The following ASIC2 variants were observed in gnomAD, a reference collection of about 807,000 sequenced individuals.
The protein encoded by ASIC2 is acid-sensing ion channel 2.
ASIC2 carries 25 observed loss-of-function variants against 57.3 expected under a neutral mutation model. That is an observed-to-expected ratio of 0.44 (90% CI 0.32 to 0.61). ASIC2 has a LOEUF of 0.61. Ranked by LOEUF, ASIC2 falls within the 20% of genes least tolerant of loss-of-function variation. The probability of loss-of-function intolerance (pLI) is 0.06; values close to 1 mark genes in which losing one functional copy is unlikely to be tolerated. For synonymous variants in ASIC2, 319 were observed against 307.5 expected, an observed-to-expected ratio of 1.04 and a Z score of -0.39; for missense variants, 641 against 738.1, an observed-to-expected ratio of 0.87 and a Z score of 1.52.
intron 1 of ASIC2, among the ~76,000 whole-genome samples, chr17:33,171,782 C>T (rs1451735496): frequency 6.6e-6 from 1 of 152,210 alleles, no homozygotes; most frequent in Admixed American, 6.5e-5. Flanking sequence ...TCTCCAACCT[C>T]ATCTCACTCT....
chr17:33,639,759 A>AAG (rs1163603155), intron 1 of ASIC2, among the ~76,000 whole-genome samples: 2 of 96,054 alleles, frequency 2.1e-5, no homozygotes, highest in Non-Finnish European at 4.7e-5. Flanking sequence ...AGCTCAGGTT[A>AAG]AGAAAAAAAA....
intron 1 of ASIC2, among the ~76,000 whole-genome samples, chr17:33,940,394 C>T (rs1251719930): frequency 1.4e-5 from 2 of 141,702 alleles, no homozygotes; most frequent in Admixed American, 1.5e-4. Context: ...TAGTGCTGCT[C>T]TTCACTGAGC....
chr17:33,949,952 G>A (rs1904505639), intron 1 of ASIC2, among the ~76,000 whole-genome samples: 1 of 152,272 alleles, frequency 6.6e-6, no homozygotes, highest in East Asian at 1.9e-4. Context: ...GTCCACTTTC[G>A]AATCCTGGTG....
At chr17:33,073,910 A>T (rs2092079247) in intron 3 of ASIC2, among the ~76,000 whole-genome samples, 1 of 152,122 alleles carries the variant, frequency 6.6e-6, no homozygotes, top group African/African-American at 2.4e-5. Context: ...CAACAGAGGG[A>T]CAGAAGAGGG....
At chr17:33,209,816 C>G (rs183852490) in intron 1 of ASIC2, among the ~76,000 whole-genome samples, 2 of 152,336 alleles carry the variant, frequency 1.3e-5, no homozygotes, top group East Asian at 3.9e-4. Flanking sequence ...CCTGAATCCC[C>G]TGACCTCACC....
At chr17:33,024,309 C>T (rs1222620106) in intron 5 of ASIC2, among the ~76,000 whole-genome samples, 2 of 152,122 alleles carry the variant, frequency 1.3e-5, no homozygotes, top group African/African-American at 2.4e-5. Context: ...TGGCTTTCTT[C>T]CCTGCTCCCA....
intron 1 of ASIC2, among the ~76,000 whole-genome samples, chr17:33,476,176 G>A (rs1167005840): frequency 6.6e-6 from 1 of 152,070 alleles, no homozygotes; most frequent in East Asian, 1.9e-4. Context: ...CTAACCGGAG[G>A]ACCTATGGTA....
chr17:33,562,041 T>C (rs1916089540), intron 1 of ASIC2, among the ~76,000 whole-genome samples: 1 of 152,206 alleles, frequency 6.6e-6, no homozygotes, highest in South Asian at 2.1e-4. Flanking sequence ...TCCGGAGTGA[T>C]GAAAGGATTT....
At chr17:33,645,355 T>G (rs1906707567) in intron 1 of ASIC2, among the ~76,000 whole-genome samples, 2 of 152,246 alleles carry the variant, frequency 1.3e-5, no homozygotes, top group South Asian at 4.2e-4. Flanking sequence ...AGGGCTTTGG[T>G]TTCATTTAAA....
intron 1 of ASIC2, among the ~76,000 whole-genome samples, chr17:33,525,799 T>C (rs1914870062): frequency 6.6e-6 from 1 of 152,222 alleles, no homozygotes. Flanking sequence ...TGGTGGCCTA[T>C]GACTCCTATC....
At chr17:33,238,171 T>C (rs571612043) in intron 1 of ASIC2, among the ~76,000 whole-genome samples, 398 of 152,330 alleles carry the variant, frequency 2.6e-3, no homozygotes, top group Non-Finnish European at 4.8e-3. Flanking sequence ...CACTCGGGCC[T>C]GAAGTCACGT....
chr17:33,377,980 C>T (rs1166617761), intron 1 of ASIC2, among the ~76,000 whole-genome samples: 1 of 152,184 alleles, frequency 6.6e-6, no homozygotes, highest in Non-Finnish European at 1.5e-5. Context: ...AATGGGTTGC[C>T]CTGAATAACA....
chr17:34,122,939 A>C (rs1219798903), intron 1 of ASIC2, among the ~76,000 whole-genome samples: 2 of 152,226 alleles, frequency 1.3e-5, no homozygotes, highest in Non-Finnish European at 2.9e-5. Context: ...CAAGTAATAA[A>C]ATATCCAAAT....
Position 33,971,609 on chromosome 17 carries a change from G to T in ASIC2, c.555+184369C>A, listed in dbSNP as rs78788746. 2.0e-5 allele frequency among the ~76,000 whole-genome samples: 3 copies of T among 152,256 alleles called. No homozygotes were observed. The East Asian group carries it at 5.8e-4, about 29-fold the overall frequency. On this transcript the variant is annotated intron_variant, in intron 1 of 9. Transcript: ENST00000359872. ...ATGAACTCTTTGGAAATGCAAGATT[G>T]TGTCAGGACATGCCCATATACATGT... is the stretch of plus-strand genomic sequence containing the variant.
chr17:33,398,893 G>C (rs1205258128), intron 1 of ASIC2, among the ~76,000 whole-genome samples: 2 of 152,158 alleles, frequency 1.3e-5, no homozygotes, highest in African/African-American at 4.8e-5. Context: ...TTCCTCTTGT[G>C]TGCTAGGCAT....
chr17:33,243,799 C>T (rs189418821), intron 1 of ASIC2, among the ~76,000 whole-genome samples: 5 of 152,244 alleles, frequency 3.3e-5, no homozygotes, highest in African/African-American at 9.6e-5. Flanking sequence ...GAGAGAATTG[C>T]ATGAAGAATT....
chr17:33,536,170 C>T (rs369555584), intron 1 of ASIC2, among the ~76,000 whole-genome samples: 2 of 146,840 alleles, frequency 1.4e-5, no homozygotes, highest in Non-Finnish European at 3.1e-5. Context: ...GCTTCTGAGC[C>T]GCTTCCAAAA....
At chr17:33,214,937 A>T (rs971610479) in intron 1 of ASIC2, among the ~76,000 whole-genome samples, 1 of 152,232 alleles carries the variant, frequency 6.6e-6, no homozygotes, top group African/African-American at 2.4e-5. Flanking sequence ...ACATACACCC[A>T]GAGTCACACA....
chr17:33,149,310 T>G (rs1904690274), intron 1 of ASIC2, among the ~76,000 whole-genome samples: 1 of 152,196 alleles, frequency 6.6e-6, no homozygotes, highest in African/African-American at 2.4e-5. Flanking sequence ...AACTACAAAC[T>G]TTGTTTCTAT....
Sources: allele counts gnomAD v4.1 joint callset (sites outside exome capture counted in the v4.1 genomes callset), GRCh38; gene constraint gnomAD v4.1.1; transcripts MANE v1.5; gene names NCBI Gene and HGNC (gene_info 2026-07-23, HGNC 2026-07-21).